Variants in KCNIP4 observed in about 807,000 individuals in gnomAD.
KCNIP4 encodes Kv channel-interacting protein 4.
A neutral mutation model predicts 34.0 loss-of-function variants in KCNIP4; 12 were observed. The ratio of observed to expected loss-of-function variants is 0.35; its 90% CI spans 0.23 to 0.57. KCNIP4 has a LOEUF of 0.57. KCNIP4 is among the 20% of genes least tolerant of loss of function. KCNIP4 has a pLI of 0.83. For missense variants in KCNIP4, 238 were observed against 311.7 expected (o/e 0.76, Z 1.78); for synonymous variants, 124 against 102.2 (o/e 1.21, Z -1.29).
At position 21,346,080 on chromosome 4, in the gene KCNIP4, T is replaced by TATATATATATATTATATAAAACAA. The variant is rs1461577641; in HGVS notation, c.62-463372_62-463371insTTGTTTTATATAATATATATATAT. On this transcript the variant is annotated intron_variant, in intron 1 of 8. Coordinates refer to ENST00000382152, the MANE Select transcript of KCNIP4 (RefSeq NM_025221.6). ...AACTCGGGCAGTGTAATATATATATTTAAGATATTTAAGATATCTTAAATA... is the reference window on the plus strand; with the variant it reads ...AACTCGGGCAGTGTAATATATATATTATATATATATATTATATAAAACAATAAGATATTTAAGATATCTTAAATA... Among the ~76,000 whole-genome samples, 10 of 127,244 alleles carry TATATATATATATTATATAAAACAA rather than the reference T, an allele frequency of 7.9e-5. 1 individual carries two copies. Among genetic ancestry groups the TATATATATATATTATATAAAACAA allele is most frequent in the East Asian group, 3.0e-4 (1 of 3,336 alleles). The allele number at this position is 127,244 out of a possible 152,430, so 83.5% of individuals were successfully genotyped here.
At chr4:21,237,996 C>T (rs1190756798) in intron 1 of KCNIP4, among the ~76,000 whole-genome samples, 2 of 152,088 alleles carry the variant, frequency 1.3e-5, no homozygotes, top group Non-Finnish European at 2.9e-5. Context: ...TACTGGCAAA[C>T]CGAATCCAGC....
At chr4:20,881,668 G>C (rs1724700471) in intron 2 of KCNIP4, among the ~76,000 whole-genome samples, 1 of 152,188 alleles carries the variant, frequency 6.6e-6, no homozygotes, top group African/African-American at 2.4e-5. Context: ...TAGAGAAAAA[G>C]AAGATGGAGA....
At chr4:21,708,364 C>A (rs1233482935) in intron 1 of KCNIP4, among the ~76,000 whole-genome samples, 1 of 152,046 alleles carries the variant, frequency 6.6e-6, no homozygotes, top group Non-Finnish European at 1.5e-5. Context: ...GTTTAAAATG[C>A]AGAATTCTTA....
intron 1 of KCNIP4, among the ~76,000 whole-genome samples, chr4:21,142,150 C>CAAAAAAAAAAAAA (rs369182504): frequency 9.4e-6 from 1 of 105,920 alleles, no homozygotes; most frequent in African/African-American, 3.5e-5. Flanking sequence ...GACACCGTCT[C>CAAAAAAAAAAAAA]AAAAAAAAAA....
intron 1 of KCNIP4, among the ~76,000 whole-genome samples, chr4:21,602,082 G>C (rs1743217879): frequency 6.6e-6 from 1 of 152,130 alleles, no homozygotes; most frequent in East Asian, 1.9e-4. Context: ...CAATGGCTTT[G>C]CTTATGTTGT....
chr4:21,250,050 GCAATA>G (rs1760580036), intron 1 of KCNIP4, among the ~76,000 whole-genome samples: 1 of 151,752 alleles, frequency 6.6e-6, no homozygotes, highest in East Asian at 1.9e-4. Flanking sequence ...TCTTATCCAA[GCAATA>G]CATTTTCTGA....
At chr4:21,291,853 C>CAA (rs754018961) in intron 1 of KCNIP4, among the ~76,000 whole-genome samples, 2 of 26,134 alleles carry the variant, frequency 7.7e-5, no homozygotes, top group Non-Finnish European at 7.8e-5. Context: ...GACTCCGCCT[C>CAA]AAAAAAAAAA....
chr4:21,463,151 C>A (rs1024683746), intron 1 of KCNIP4, among the ~76,000 whole-genome samples: 5 of 152,016 alleles, frequency 3.3e-5, no homozygotes. Context: ...TAAGGGTACC[C>A]TTTTCTCCAC....
intron 1 of KCNIP4, among the ~76,000 whole-genome samples, chr4:20,987,431 AC>A (rs1736678092): frequency 6.6e-6 from 1 of 152,132 alleles, no homozygotes; most frequent in African/African-American, 2.4e-5. Context: ...TACCAAAGGT[AC>A]ACTAAAGGCT....
At chr4:20,905,522 T>TTTTTG (rs768668990) in intron 1 of KCNIP4, among the ~76,000 whole-genome samples, 2 of 111,186 alleles carry the variant, frequency 1.8e-5, no homozygotes, top group Admixed American at 1.1e-4. Context: ...TTTTTTTTTT[T>TTTTTG]TTTGTTTGAG....
At chr4:21,242,532 T>A (rs1759909249) in intron 1 of KCNIP4, among the ~76,000 whole-genome samples, 1 of 152,148 alleles carries the variant, frequency 6.6e-6, no homozygotes, top group African/African-American at 2.4e-5. Flanking sequence ...TAGCATTGGA[T>A]CAGTGGACTC....
intron 1 of KCNIP4, among the ~76,000 whole-genome samples, chr4:20,897,497 G>T (rs1023659952): frequency 1.3e-5 from 2 of 151,960 alleles, no homozygotes; most frequent in Admixed American, 6.6e-5. Flanking sequence ...AGCCTAAATT[G>T]TACCTGCCCC....
At position 21,186,953 on chromosome 4, in the gene KCNIP4, T is replaced by A. The variant is rs139906522; in HGVS notation, c.62-304244A>T. 1.0e-2 allele frequency among the ~76,000 whole-genome samples: 1,517 copies of A among 152,274 alleles called. 25 individuals are homozygous for A. Among genetic ancestry groups the A allele is most frequent in the African/African-American group, 0.035 (1,440 of 41,562 alleles). ...CTGGGCCCAGCTCAATCTTTTTATT[T>A]AATAGCCCAACTTCACAGGATTTAG... On this transcript the variant is annotated intron_variant, in intron 1 of 8. Transcript: ENST00000382152.
intron 8 of KCNIP4, among the ~76,000 whole-genome samples, chr4:20,730,816 G>A (rs1340463379): frequency 2.0e-5 from 3 of 152,156 alleles, no homozygotes; most frequent in Admixed American, 6.5e-5. Flanking sequence ...CTTGTCAGTT[G>A]CATGTGAATA....
At chr4:20,740,694 A>G (rs907017166) in intron 5 of KCNIP4, among the ~76,000 whole-genome samples, 6 of 152,220 alleles carry the variant, frequency 3.9e-5, no homozygotes, top group African/African-American at 1.4e-4. Context: ...AGCTAACATC[A>G]TAATGACAGG....
At chr4:21,273,517 G>A (rs1762273337) in intron 1 of KCNIP4, among the ~76,000 whole-genome samples, 1 of 152,104 alleles carries the variant, frequency 6.6e-6, no homozygotes, top group Admixed American at 6.6e-5. Flanking sequence ...AAAGGAATCG[G>A]GGGAGAGTGG....
intron 1 of KCNIP4, among the ~76,000 whole-genome samples, chr4:21,069,227 G>T (rs1234594334): frequency 1.4e-5 from 2 of 147,488 alleles, no homozygotes; most frequent in African/African-American, 4.9e-5. Flanking sequence ...AATTCTCTAA[G>T]TTTTTTTTTT....
chr4:20,999,990 G>A lies in KCNIP4; in HGVS notation c.62-117281C>T, dbSNP rs558639138. Among the ~76,000 whole-genome samples the A allele has an allele frequency of 5.2e-4, 79 of 152,128 alleles. 1 individual carries two copies. The highest frequency in any genetic ancestry group is 6.5e-4 in the Non-Finnish European group (44 of 67,994). On this transcript the variant is annotated intron_variant, in intron 1 of 8. Transcript: ENST00000382152. ...GGGCATCCAGCCATTGCCAAGGAAG[G>A]GCGGAAAAAAAAGAATTGAGAATAT...
chr4:20,759,357 A>G (rs1754755679), intron 3 of KCNIP4, among the ~76,000 whole-genome samples: 1 of 152,202 alleles, frequency 6.6e-6, no homozygotes, highest in Non-Finnish European at 1.5e-5. Context: ...AACCAGTAAT[A>G]GATACTAATG....
Sources: allele counts gnomAD v4.1 joint callset (sites outside exome capture counted in the v4.1 genomes callset), GRCh38; gene constraint gnomAD v4.1.1; transcripts MANE v1.5; gene names NCBI Gene and HGNC (gene_info 2026-07-23, HGNC 2026-07-21).